SAXO2: variants seen among roughly 807,000 people sequenced by gnomAD.
The protein encoded by SAXO2 is stabilizer of axonemal microtubules 2.
A neutral mutation model predicts 18.7 loss-of-function variants in SAXO2; 17 were observed. The observed-to-expected ratio is 0.91, with a 90% confidence interval of 0.62 to 1.36. The LOEUF (loss-of-function observed/expected upper bound fraction) is 1.36. SAXO2 is among the 40% of genes most tolerant of loss of function. The pLI, the probability that SAXO2 is intolerant of heterozygous loss-of-function variation, is 0.00. For missense variants in SAXO2, 486 were observed against 562.6 expected (o/e 0.86, Z 1.38); for synonymous variants, 163 against 181.2 (o/e 0.90, Z 0.81).
chr15:82,281,492 A>G (rs3973890), intron 3 of SAXO2, among the ~76,000 whole-genome samples: 23,303 of 151,782 alleles, frequency 0.15, 3,228 homozygotes, highest in African/African-American at 0.37. Context: ...GGAATGCCTT[A>G]AAGTCCATTT....
intron 3 of SAXO2, among the ~76,000 whole-genome samples, chr15:82,275,281 C>CAAAAAAAAAAA (rs756023248): frequency 4.4e-4 from 20 of 45,888 alleles, no homozygotes; most frequent in Non-Finnish European, 5.5e-4. Flanking sequence ...ACCTATCAAC[C>CAAAAAAAAAAA]AAAAAAAAAA....
chr15:82,284,013 T>G lies in SAXO2; in HGVS notation c.*951T>G, dbSNP rs930311051. On this transcript the variant is annotated 3_prime_UTR_variant, in exon 4 of 4. Coordinates refer to ENST00000682753, the MANE Select transcript of SAXO2 (RefSeq NM_001348699.2). ...ATATAGATTTCTATTTGTACTACCT[T>G]AGGCAGTGACTCATATCTCTGAGCC... 1 of 152,222 alleles carries G rather than the reference T, an allele frequency of 6.6e-6. No homozygotes were observed. Among genetic ancestry groups the G allele is most frequent in the African/African-American group, 2.4e-5 (1 of 41,462 alleles). 9.4% of individuals were successfully genotyped at this position (152,222 alleles called of 1,614,324 possible). A position where few individuals can be genotyped will look rare whatever the true frequency, so the allele number is the denominator to read the frequency against.
intron 3 of SAXO2, among the ~76,000 whole-genome samples, chr15:82,276,453 A>T (rs2075316235): frequency 1.3e-5 from 2 of 152,172 alleles, no homozygotes; most frequent in African/African-American, 4.8e-5. Flanking sequence ...CTGACTTCAA[A>T]CTATACTACA....
At chr15:82,270,500 A>G (rs553734082) in intron 2 of SAXO2, among the ~76,000 whole-genome samples, 135 of 152,314 alleles carry the variant, frequency 8.9e-4, no homozygotes, top group African/African-American at 2.6e-3. Context: ...AAATGGATTG[A>G]AGTGGGTGAG....
At chr15:82,265,950 A>G (rs546996803) in intron 2 of SAXO2, among the ~76,000 whole-genome samples, 1 of 152,180 alleles carries the variant, frequency 6.6e-6, no homozygotes, top group African/African-American at 2.4e-5. Flanking sequence ...TGTGAGAAGA[A>G]AAAAGGGATA....
At chr15:82,265,877 CTAGT>C in intron 2 of SAXO2, 129 bp downstream of exon 2, 1 of 500,776 alleles carries the variant, frequency 2.0e-6, no homozygotes. Context: ...AGTCAAGAGA[CTAGT>C]TAAGTCACAA....
rs1055616842 is a variant in SAXO2, at chr15:82,262,834, G to GT, written c.-45dup. 20 of 1,552,628 alleles carry GT rather than the reference G, an allele frequency of 1.3e-5. No homozygotes were observed. The highest frequency in any genetic ancestry group is 1.7e-5 in the Non-Finnish European group (19 of 1,148,312). On this transcript the variant is annotated 5_prime_UTR_variant, in exon 1 of 4. Coordinates refer to ENST00000682753, the MANE Select transcript of SAXO2 (RefSeq NM_001348699.2). ...TGTTGCCTTGACTACGGCGGGCGCT[G>GT]TGGGAGTGGAGAAGCTGCAAGTGCT...
At position 82,265,437 on chromosome 15, in the gene SAXO2, C is replaced by T. The variant is rs148152987; in HGVS notation, c.54-132C>T. 1,307 of 544,088 alleles carry T rather than the reference C, an allele frequency of 2.4e-3. 13 individuals carry two copies. Among genetic ancestry groups the T allele is most frequent in the African/African-American group, 0.023 (1,147 of 49,974 alleles). The allele number at this position is 544,088 out of a possible 1,614,324, so 33.7% of individuals were successfully genotyped here. On this transcript the variant is annotated intron_variant, in intron 1 of 3. Coordinates refer to ENST00000682753, the MANE Select transcript of SAXO2 (RefSeq NM_001348699.2). ...GATTACAGGCGTGAGCCACTGTGCCCGGCCCAGTTTTTGGTTTTTTAGTAA... is the reference window on the plus strand; with the variant it reads ...GATTACAGGCGTGAGCCACTGTGCCTGGCCCAGTTTTTGGTTTTTTAGTAA...
rs1472335513 is a variant in SAXO2, at chr15:82,262,932, G to A, written c.53G>A (p.Gly18Glu). The A allele has an allele frequency of 3.7e-6, 6 of 1,604,008 alleles. No homozygotes were observed. Among genetic ancestry groups the A allele is most frequent in the Non-Finnish European group, 8.5e-7 (1 of 1,175,294 alleles). The change falls in exon 1 of 4, where the codon GGG (glycine) becomes GAG (glutamate). Residue 18 changes from glycine to glutamate, a missense_variant and splice_region_variant. Gly to Glu is a moderately conservative substitution (Grantham distance 98, BLOSUM62 -2). Transcript: ENST00000682753. The stretch of plus-strand genomic sequence containing the variant: ...TGTCTGTGTCAGATTTGTAGCTGCG[G>A]GTAAGAAACGGCTGGTGTAGCGGCG... ...SWCLCQICSCGRHHCPRGTTR... is the reference protein window; with the variant it reads ...SWCLCQICSCERHHCPRGTTR...
At chr15:82,280,888 G>C (rs1447319855) in intron 3 of SAXO2, among the ~76,000 whole-genome samples, 1 of 152,222 alleles carries the variant, frequency 6.6e-6, no homozygotes, top group Non-Finnish European at 1.5e-5. Flanking sequence ...CTGGCCTAAA[G>C]GTCACCTATT....
chr15:82,262,973 G>A, intron 1 of SAXO2, 41 bp downstream of exon 1: 1 of 1,575,018 alleles, frequency 6.3e-7, no homozygotes. Context: ...GGGCTTGGGA[G>A]CCGACCTAGG....
At position 82,282,778 on chromosome 15, in the gene SAXO2, C is replaced by G. The variant is rs1189193847; in HGVS notation, c.1093C>G (p.Gln365Glu). 1 of 1,614,146 alleles carries G rather than the reference C, an allele frequency of 6.2e-7. No individual in the cohort carries two copies. The highest frequency in any genetic ancestry group is 1.7e-5 in the Admixed American group (1 of 60,018). ...CRQGLIKKQQ[Q>E]IPNPSGKFDG... is the part of the protein sequence containing the mutation. ...TCAAGGACTTATTAAGAAGCAGCAGCAGATTCCCAACCCATCTGGAAAATT... is the reference window on the plus strand; with the variant it reads ...TCAAGGACTTATTAAGAAGCAGCAGGAGATTCCCAACCCATCTGGAAAATT... Residue 365 changes from glutamine to glutamate, a missense_variant, in exon 4 of 4, where the codon CAG becomes GAG. Physicochemically the swap from Gln to Glu is conservative, Grantham distance 29. Transcript: ENST00000682753.
At chr15:82,266,991 CATT>C (rs1445697921) in intron 2 of SAXO2, among the ~76,000 whole-genome samples, 1 of 152,160 alleles carries the variant, frequency 6.6e-6, no homozygotes, top group Non-Finnish European at 1.5e-5. Context: ...TACATTTACT[CATT>C]ATTTTATTTA....
intron 2 of SAXO2, among the ~76,000 whole-genome samples, chr15:82,269,574 G>GT (rs1271485497): frequency 7.9e-5 from 12 of 151,952 alleles, no homozygotes; most frequent in Non-Finnish European, 1.8e-4. Context: ...TTTCTGTTTT[G>GT]TTTTTTTGGT....
chr15:82,282,298 T>G lies in SAXO2; in HGVS notation c.613T>G (p.Phe205Val). 6.2e-7 allele frequency: 1 copy of G among 1,614,168 alleles called. No individual in the cohort carries two copies. Among genetic ancestry groups the G allele is most frequent in the Middle Eastern group, 1.6e-4 (1 of 6,062 alleles). ...SSVVKRSTAP[F>V]NGITSHRLDY... ...TGTGGTCAAACGTTCTACAGCCCCT[T>G]TTAATGGTATTACAAGTCATCGCCT... The change falls in exon 4 of 4, where the codon TTT (phenylalanine) becomes GTT (valine). Residue 205 changes from phenylalanine to valine, a missense_variant. Coordinates refer to ENST00000682753, the MANE Select transcript of SAXO2 (RefSeq NM_001348699.2).
rs930363211 is a variant in SAXO2 at position 82,283,810 on chromosome 15, G to A, written c.*748G>A. The A allele has an allele frequency of 5.9e-5, 9 of 152,238 alleles. No individual in the cohort carries two copies. Among genetic ancestry groups the A allele is most frequent in the African/African-American group, 1.9e-4 (8 of 41,444 alleles). The allele number at this position is 152,238 out of a possible 1,614,324, so 9.4% of individuals were successfully genotyped here. On this transcript the variant is annotated 3_prime_UTR_variant, in exon 4 of 4. Coordinates refer to ENST00000682753, the MANE Select transcript of SAXO2 (RefSeq NM_001348699.2). ...CTCCCAAATAGCTGGGACTACAAGGGTGTGCCACCACACCTGGCTATTTTT... is the reference window on the plus strand; with the variant it reads ...CTCCCAAATAGCTGGGACTACAAGGATGTGCCACCACACCTGGCTATTTTT...
At chr15:82,278,031 C>A (rs2075330480) in intron 3 of SAXO2, among the ~76,000 whole-genome samples, 1 of 152,026 alleles carries the variant, frequency 6.6e-6, no homozygotes, top group Admixed American at 6.5e-5. Flanking sequence ...AAAAAAAAAG[C>A]AGGAAGCTCC....
intron 1 of SAXO2, among the ~76,000 whole-genome samples, chr15:82,263,830 T>C (rs922110519): frequency 3.3e-5 from 5 of 152,190 alleles, no homozygotes; most frequent in Non-Finnish European, 7.3e-5. Context: ...TCAGTCTTCA[T>C]TATGTTGAGG....
Position 82,266,609 on chromosome 15 carries a change from G to A in SAXO2, c.233+861G>A, listed in dbSNP as rs545326111. On this transcript the variant is annotated intron_variant, in intron 2 of 3. Transcript: ENST00000682753. ...TTGTCTCAGAGTCTTCCAAGATACTGTTTTCCCTACCTGTAGTTTTCCTTC... is the reference window on the plus strand; with the variant it reads ...TTGTCTCAGAGTCTTCCAAGATACTATTTTCCCTACCTGTAGTTTTCCTTC... Among the ~76,000 whole-genome samples, 9 of 152,202 alleles carry A rather than the reference G, an allele frequency of 5.9e-5. No homozygotes were observed. The South Asian group carries it at 1.9e-3, about 32-fold the overall frequency.
Sources: gnomAD v4.1 joint callset for allele counts (sites outside exome capture counted in the v4.1 genomes callset) on GRCh38, gnomAD v4.1.1 for gene constraint, MANE v1.5 for transcripts, NCBI Gene and HGNC (gene_info 2026-07-23, HGNC 2026-07-21) for gene names.